Variants in KDM2B observed in about 807,000 individuals in gnomAD.
The protein encoded by KDM2B is lysine demethylase 2B.
Under a neutral mutation model 150.0 loss-of-function variants are expected in KDM2B, and 26 were observed. That is an observed-to-expected ratio of 0.17 (90% CI 0.13 to 0.24). The LOEUF (loss-of-function observed/expected upper bound fraction) is 0.24, where lower values mean the gene tolerates loss of function less well. Ranked by LOEUF, KDM2B falls within the 10% of genes least tolerant of loss-of-function variation. KDM2B has a pLI of 1.00. For missense variants in KDM2B, 1,265 were observed against 1,816.9 expected, an observed-to-expected ratio of 0.70 and a Z score of 5.52; for synonymous variants, 734 against 729.5, an observed-to-expected ratio of 1.01 and a Z score of -0.10.
chr12:121,534,231 C>G (rs1028113982), intron 7 of KDM2B, among the ~76,000 whole-genome samples: 9 of 151,832 alleles, frequency 5.9e-5, no homozygotes, highest in African/African-American at 2.2e-4. Context: ...CACTTGTAGT[C>G]CCAGCTACTC....
rs1271974572 is a variant in KDM2B, at chr12:121,548,969, G to A, written c.591C>T (p.Asp197=). The change falls in exon 6 of 23, where the codon GAC becomes GAT. Residue 197 remains aspartate (D), a synonymous_variant. Coordinates refer to ENST00000377071, the MANE Select transcript of KDM2B (RefSeq NM_032590.5). ...GCTGGGGCCACATGTTGTCCACCCA[G>A]TCCACCAGGTCTACCTGAAAGCCAG... The part of the protein sequence containing the change: ...VKRPTVVDLV[D]WVDNMWPQHL... The A allele has an allele frequency of 6.2e-7, 1 of 1,613,900 alleles. No individual in the cohort carries two copies. The highest frequency in any genetic ancestry group is 8.5e-7 in the Non-Finnish European group (1 of 1,179,900).
At chr12:121,480,066 C>T (rs1157463463) in intron 12 of KDM2B, among the ~76,000 whole-genome samples, 2 of 151,986 alleles carry the variant, frequency 1.3e-5, no homozygotes, top group East Asian at 1.9e-4. Flanking sequence ...CTTCAGGTGT[C>T]GCCCACCACA....
the KDM2B span, among the ~76,000 whole-genome samples, chr12:121,422,515 G>T: frequency 6.6e-6 from 1 of 152,212 alleles, no homozygotes; most frequent in Non-Finnish European, 1.5e-5. Flanking sequence ...CACACCAGTA[G>T]TCGTGGGCCA....
At chr12:121,456,713 C>G (rs1383680972) in intron 12 of KDM2B, among the ~76,000 whole-genome samples, 1 of 152,210 alleles carries the variant, frequency 6.6e-6, no homozygotes. Flanking sequence ...TCTCGAAGCT[C>G]CTATGTCACT....
At position 121,429,704 on chromosome 12, in the gene KDM2B, A is replaced by G. The variant is rs965905008; in HGVS notation, c.*584T>C. 1.2e-4 allele frequency: 48 copies of G among 391,634 alleles called. No homozygotes were observed. The highest frequency in any genetic ancestry group is 9.5e-4 in the African/African-American group (47 of 49,498). 24.3% of individuals were successfully genotyped at this position (391,634 alleles called of 1,614,324 possible). ...GGGTTGTGTCGATGAAGTACACGTT[A>G]AATTCTCTCCTACCTTAAGGAAATC... On this transcript the variant is annotated 3_prime_UTR_variant, in exon 23 of 23. Coordinates refer to ENST00000377071, the MANE Select transcript of KDM2B (RefSeq NM_032590.5).
rs906927267 is a variant in KDM2B at position 121,518,686 on chromosome 12, C to T, written c.1047+2299G>A. 6.6e-6 allele frequency among the ~76,000 whole-genome samples: 1 copy of T among 152,176 alleles called. No homozygotes were observed. The highest frequency in any genetic ancestry group is 1.5e-5 in the Non-Finnish European group (1 of 68,008). ...ATCCGCTGAGTTTACAATTGAATTC[C>T]CAGGGGGACGGGGTGGTTGTCCAGC... On this transcript the variant is annotated intron_variant, in intron 9 of 22. Transcript: ENST00000377071. This position sits in a 1 kb window ranked among gnomAD's most constrained non-coding sequence, Gnocchi z 4.4.
chr12:121,421,371 T>TACAAAAAAAAAAAAAAAAAAAAAA, the KDM2B span, among the ~76,000 whole-genome samples: 1 of 46,378 alleles, frequency 2.2e-5, no homozygotes. Flanking sequence ...ATCCCATCTC[T>TACAAAAAAAAAAAAAAAAAAAAAA]AAAAAAAAAA....
intron 8 of KDM2B, among the ~76,000 whole-genome samples, chr12:121,528,957 G>A (rs1385452729): frequency 1.3e-5 from 2 of 152,158 alleles, no homozygotes; most frequent in Non-Finnish European, 2.9e-5. Flanking sequence ...CCAAAAGAGA[G>A]GGAAAGAGAG....
At chr12:121,472,049 G>C (rs1239267587) in intron 12 of KDM2B, among the ~76,000 whole-genome samples, 1 of 152,110 alleles carries the variant, frequency 6.6e-6, no homozygotes, top group Non-Finnish European at 1.5e-5. Flanking sequence ...CTTGAGCCTG[G>C]GAGGCAGAGG....
the KDM2B span, among the ~76,000 whole-genome samples, chr12:121,411,703 T>C: frequency 6.6e-6 from 1 of 152,224 alleles, no homozygotes; most frequent in Non-Finnish European, 1.5e-5. Context: ...CACAGTTACT[T>C]GTCAGTCATA....
intron 12 of KDM2B, among the ~76,000 whole-genome samples, chr12:121,482,551 C>T (rs1408598868): frequency 1.3e-5 from 2 of 152,070 alleles, no homozygotes; most frequent in African/African-American, 2.4e-5. Context: ...CCACTCGCTT[C>T]GGCCTCTCAA....
chr12:121,578,362 G>A (rs1035369149), intron 2 of KDM2B, among the ~76,000 whole-genome samples: 3 of 152,216 alleles, frequency 2.0e-5, no homozygotes, highest in Non-Finnish European at 4.4e-5. Flanking sequence ...GCGGGAACGG[G>A]ATTGGGAAGG....
intron 10 of KDM2B, among the ~76,000 whole-genome samples, chr12:121,510,259 C>T (rs545863381): frequency 6.6e-6 from 1 of 152,338 alleles, no homozygotes; most frequent in Admixed American, 6.5e-5. Flanking sequence ...TGGGTTGCCC[C>T]GCCTCTCTGA....
intron 12 of KDM2B, among the ~76,000 whole-genome samples, chr12:121,473,970 AACCAGACACAAAAGTCCACAT>A (rs2139744095): frequency 6.6e-6 from 1 of 152,276 alleles, no homozygotes; most frequent in East Asian, 1.9e-4. Context: ...GAGTACAAGA[AACCAGACACAAAAGTCCACAT>A]ATTGTATGAT....
intron 4 of KDM2B, among the ~76,000 whole-genome samples, chr12:121,557,127 A>G (rs1297015338): frequency 6.6e-6 from 1 of 151,906 alleles, no homozygotes; most frequent in Non-Finnish European, 1.5e-5. Flanking sequence ...ACTCCCCCAA[A>G]ATATATGTTC....
At chr12:121,415,396 AGAT>A in the KDM2B span, 2 of 261,198 alleles carry the variant, frequency 7.7e-6, no homozygotes, top group African/African-American at 4.4e-5. Context: ...CAAGGTAGGC[AGAT>A]CACTTGAGGC....
chr12:121,437,313 G>T (rs782013853), intron 22 of KDM2B, among the ~76,000 whole-genome samples: 4 of 151,936 alleles, frequency 2.6e-5, no homozygotes, highest in Non-Finnish European at 4.4e-5. Flanking sequence ...GAAAGAAAAT[G>T]TACTCATAAT....
Position 121,496,860 on chromosome 12 carries a change from T to A in KDM2B, c.1648-2195A>T, listed in dbSNP as rs896059662. The stretch of plus-strand genomic sequence containing the variant: ...TGAGCCCCCCAAAGTGCTGGGATTA[T>A]AGGTGTGAGCCCCCCAAAGTGCTGG... On this transcript the variant is annotated intron_variant, in intron 11 of 22. Coordinates refer to ENST00000377071, the MANE Select transcript of KDM2B (RefSeq NM_032590.5). Among the ~76,000 whole-genome samples, 4 of 138,586 alleles carry A rather than the reference T, an allele frequency of 2.9e-5. No homozygotes were observed. In the East Asian group the frequency reaches 8.5e-4, roughly 30 times the overall value. 90.9% of individuals were successfully genotyped at this position (138,586 alleles called of 152,430 possible).
chr12:121,433,233 C>T (rs1206941242), intron 22 of KDM2B: 2 of 456,462 alleles, frequency 4.4e-6, no homozygotes, highest in Middle Eastern at 3.3e-4. Flanking sequence ...TTTCTTTGGT[C>T]CCTCTGTGCG....
Sources: gnomAD v4.1 joint callset for allele counts (sites outside exome capture counted in the v4.1 genomes callset) on GRCh38, gnomAD v4.1.1 for gene constraint, Gnocchi (gnomAD v3.1) non-coding constraint, MANE v1.5 for transcripts, NCBI Gene and HGNC (gene_info 2026-07-23, HGNC 2026-07-21) for gene names.